Variants in CACNB1 observed in about 807,000 individuals in gnomAD.
CACNB1 encodes the protein calcium voltage-gated channel auxiliary subunit beta 1.
A neutral mutation model predicts 71.6 loss-of-function variants in CACNB1; 29 were observed. The ratio of observed to expected loss-of-function variants is 0.40; its 90% confidence interval spans 0.30 to 0.55. The LOEUF is 0.55. Ranked by LOEUF, CACNB1 falls within the 20% of genes least tolerant of loss-of-function variation. The probability of loss-of-function intolerance (pLI) is 0.38; values close to 1 mark genes in which losing one functional copy is unlikely to be tolerated. For synonymous variants in CACNB1, 300 were observed against 319.6 expected, an observed-to-expected ratio of 0.94 and a Z score of 0.65; for missense variants, 623 against 801.8, an observed-to-expected ratio of 0.78 and a Z score of 2.69.
chr17:39,191,732 G>A, intron 2 of CACNB1, 139 bp from the exon 3 acceptor site: 1 of 759,084 alleles, frequency 1.3e-6, no homozygotes, highest in Non-Finnish European at 2.1e-6. Context: ...CTAAGACAAG[G>A]TGGTATTAGG....
chr17:39,190,117 AAAAT>A (rs1181248442), intron 3 of CACNB1, among the ~76,000 whole-genome samples: 2 of 148,752 alleles, frequency 1.3e-5, no homozygotes, highest in African/African-American at 2.5e-5. Context: ...CTCCATCTCA[AAAAT>A]AAATAAATAA....
At position 39,175,719 on chromosome 17, in the gene CACNB1, A is replaced by C; in HGVS notation, c.1333-62T>G. ...AGGCAGGGGTGAGAAAAACACAACA[A>C]AGCAAGGCAAGTTAGTGACAGCATT... is the stretch of plus-strand genomic sequence containing the variant. On this transcript the variant is annotated intron_variant, in intron 13 of 13. Coordinates refer to ENST00000394303, the MANE Select transcript of CACNB1 (RefSeq NM_000723.5). The surrounding 1 kb of genome is among the most constrained non-coding windows in gnomAD (Gnocchi z 4.7). 2 of 1,278,740 alleles carry C rather than the reference A, an allele frequency of 1.6e-6. No individual in the cohort carries two copies. Among genetic ancestry groups the C allele is most frequent in the Non-Finnish European group, 2.2e-6 (2 of 921,970 alleles). 79.2% of individuals were successfully genotyped at this position (1,278,740 alleles called of 1,614,324 possible).
chr17:39,178,097 A>G lies in CACNB1; in HGVS notation c.1051-18T>C. The G allele has an allele frequency of 6.3e-7, 1 of 1,598,538 alleles. No homozygotes were observed. The highest frequency in any genetic ancestry group is 1.7e-4 in the Middle Eastern group (1 of 6,030). ...TGAAGTACCTGGTTTGGGGAGAGAG[A>G]AAAGGAAGAGGAGCTAGAGGGACTC... is the stretch of plus-strand genomic sequence containing the variant. On this transcript the variant is annotated intron_variant, in intron 11 of 13. Coordinates refer to ENST00000394303, the MANE Select transcript of CACNB1 (RefSeq NM_000723.5).
chr17:39,183,554 G>C (rs1354722975), intron 11 of CACNB1, among the ~76,000 whole-genome samples, 159 bp downstream of exon 11: 2 of 152,168 alleles, frequency 1.3e-5, no homozygotes, highest in African/African-American at 4.8e-5. Context: ...ATTCATATGA[G>C]GTTGAAACAC....
chr17:39,187,019 T>C (rs2045958235), intron 4 of CACNB1, 90 bp from the exon 5 acceptor site: 10 of 1,428,662 alleles, frequency 7.0e-6, no homozygotes, highest in Non-Finnish European at 8.7e-6. Context: ...ACGCCCAGAC[T>C]CACCTCCCAG....
At chr17:39,185,962 G>A (rs975179249) in intron 6 of CACNB1, 5 of 1,612,576 alleles carry the variant, frequency 3.1e-6, no homozygotes, top group Non-Finnish European at 4.2e-6. Flanking sequence ...TCTTAAAGAA[G>A]GGGATGCGTT....
Position 39,194,998 on chromosome 17 carries a change from T to TA in CACNB1, c.85-29dup, listed in dbSNP as rs772366311. ...GAAGAGGCCAGGAAAGGAACAAGAG[T>TA]AGAATCAGAAGGGCCCTTTCCCAAC... is the stretch of plus-strand genomic sequence containing the variant. On this transcript the variant is annotated intron_variant, in intron 1 of 13. Coordinates refer to ENST00000394303, the MANE Select transcript of CACNB1 (RefSeq NM_000723.5). This position sits in a 1 kb window ranked among gnomAD's most constrained non-coding sequence, Gnocchi z 4.6. 7.2e-6 allele frequency: 11 copies of TA among 1,534,198 alleles called. No homozygotes were observed. The highest frequency in any genetic ancestry group is 9.9e-6 in the Non-Finnish European group (11 of 1,114,056).
At chr17:39,177,329 G>C (rs1224792729) in intron 13 of CACNB1, 21 bp downstream of exon 13, 1 of 1,612,262 alleles carries the variant, frequency 6.2e-7, no homozygotes, top group Non-Finnish European at 8.5e-7. Flanking sequence ...GGTTTCTCCT[G>C]AGCGAGGTGA....
At chr17:39,179,021 C>T (rs758095771) in intron 11 of CACNB1, among the ~76,000 whole-genome samples, 2 of 152,066 alleles carry the variant, frequency 1.3e-5, no homozygotes, top group Non-Finnish European at 2.9e-5. Flanking sequence ...TGGCTGGGTG[C>T]GGTGGGTCAC....
At chr17:39,180,669 AAGAG>A (rs1352869301) in intron 11 of CACNB1, among the ~76,000 whole-genome samples, 1 of 152,044 alleles carries the variant, frequency 6.6e-6, no homozygotes, top group South Asian at 2.1e-4. Context: ...CAAAAAAAAA[AAGAG>A]AGAAAGAAAG....
intron 11 of CACNB1, among the ~76,000 whole-genome samples, chr17:39,180,926 T>A (rs946999040): frequency 6.6e-6 from 1 of 151,924 alleles, no homozygotes; most frequent in African/African-American, 2.4e-5. Flanking sequence ...TCTACCTCAA[T>A]AAAATGTTAA....
chr17:39,177,401 G>C lies in CACNB1; in HGVS notation c.1281C>G (p.Thr427=), dbSNP rs750074752. The change falls in exon 13 of 14, where the codon ACC becomes ACG. Residue 427 remains threonine (T), a synonymous_variant. Coordinates refer to ENST00000394303, the MANE Select transcript of CACNB1 (RefSeq NM_000723.5). The part of the protein sequence containing the change: ...STPPNPLLNR[T]MATAALAASP... The stretch of plus-strand genomic sequence containing the variant: ...TGGCAGCCAGGGCTGCGGTAGCCAT[G>C]GTGCGGTTCAGCAGCGGATTGGGTG... 3 of 1,613,786 alleles carry C rather than the reference G, an allele frequency of 1.9e-6. No homozygotes were observed. The South Asian group carries it at 3.3e-5, about 18-fold the overall frequency.
At chr17:39,184,503 C>T (rs530920872) in intron 8 of CACNB1, 120 bp from the exon 9 acceptor site, 20 of 684,180 alleles carry the variant, frequency 2.9e-5, no homozygotes, top group East Asian at 1.6e-4. Flanking sequence ...CAGGCCTTTA[C>T]GGCGGGCGGG....
chr17:39,187,140 C>A (rs2045960522), intron 4 of CACNB1: 2 of 612,552 alleles, frequency 3.3e-6, no homozygotes, highest in Middle Eastern at 4.4e-4. Flanking sequence ...ATGGACCACC[C>A]TGCCACCGGC....
intron 2 of CACNB1, chr17:39,193,115 C>T (rs1165661016): frequency 1.4e-5 from 3 of 222,116 alleles, no homozygotes; most frequent in Non-Finnish European, 2.8e-5. Flanking sequence ...CGCACACACT[C>T]ACTGACCCCA....
At chr17:39,187,372 C>CA in intron 4 of CACNB1, 107 bp downstream of exon 4, 1 of 1,271,996 alleles carries the variant, frequency 7.9e-7, no homozygotes. Flanking sequence ...TAAGGTCACA[C>CA]AGCAGATTCA....
chr17:39,187,812 G>A (rs1459046458), intron 3 of CACNB1, among the ~76,000 whole-genome samples: 9 of 151,986 alleles, frequency 5.9e-5, no homozygotes, highest in South Asian at 2.1e-4. Flanking sequence ...TCAGGAGTCC[G>A]AGACCAGCCT....
intron 11 of CACNB1, among the ~76,000 whole-genome samples, chr17:39,179,890 C>T (rs2045706259): frequency 1.3e-5 from 2 of 152,002 alleles, no homozygotes; most frequent in African/African-American, 4.8e-5. Flanking sequence ...GCCTGGGCGA[C>T]AGAACAAGAC....
chr17:39,179,039 A>G (rs2045670383), intron 11 of CACNB1, among the ~76,000 whole-genome samples: 1 of 152,142 alleles, frequency 6.6e-6, no homozygotes, highest in African/African-American at 2.4e-5. Context: ...CACACCTGTA[A>G]TCCCAGCACT....
Sources: gnomAD v4.1 joint callset for allele counts (sites outside exome capture counted in the v4.1 genomes callset) on GRCh38, gnomAD v4.1.1 for gene constraint, Gnocchi (gnomAD v3.1) non-coding constraint, MANE v1.5 for transcripts, NCBI Gene and HGNC (gene_info 2026-07-23, HGNC 2026-07-21) for gene names.